NUBPL: variants seen among roughly 807,000 people sequenced by gnomAD.
NUBPL encodes the protein iron-sulfur cluster transfer protein NUBPL.
NUBPL carries 31 observed loss-of-function variants against 45.7 expected under a neutral mutation model. The ratio of observed to expected loss-of-function variants is 0.68; its 90% CI spans 0.51 to 0.92. The LOEUF is 0.92. Ranked by LOEUF, NUBPL falls within the 40% of genes least tolerant of loss-of-function variation. The pLI is 0.00. For synonymous variants in NUBPL, 144 were observed against 140.9 expected (o/e 1.02, Z -0.15); for missense variants, 401 against 398.7 (o/e 1.01, Z -0.05).
At chr14:31,721,927 G>A (rs955853809) in intron 6 of NUBPL, among the ~76,000 whole-genome samples, 15 of 152,252 alleles carry the variant, frequency 9.9e-5, no homozygotes, top group African/African-American at 2.6e-4. Flanking sequence ...CTCCATCCAC[G>A]TTCCTGCAAA....
intron 4 of NUBPL, among the ~76,000 whole-genome samples, chr14:31,637,838 C>T (rs537372991): frequency 5.7e-4 from 87 of 152,190 alleles, no homozygotes; most frequent in Admixed American, 2.7e-3. Context: ...TTTACCATTA[C>T]GTAATGGCCT....
At chr14:31,586,884 G>A (rs2034008725) in intron 3 of NUBPL, among the ~76,000 whole-genome samples, 1 of 152,130 alleles carries the variant, frequency 6.6e-6, no homozygotes, top group Admixed American at 6.5e-5. Context: ...AAATGGTGAT[G>A]CCATTTTCCA....
intron 4 of NUBPL, among the ~76,000 whole-genome samples, chr14:31,634,507 G>C (rs1192844292): frequency 6.6e-6 from 1 of 151,896 alleles, no homozygotes; most frequent in Admixed American, 6.6e-5. Flanking sequence ...ATTTGGGTTG[G>C]TTCCAAGTCT....
intron 8 of NUBPL, among the ~76,000 whole-genome samples, chr14:31,841,930 T>TTTG (rs2040380148): frequency 8.2e-6 from 1 of 122,254 alleles, no homozygotes; most frequent in Non-Finnish European, 1.7e-5. Context: ...TTTTTTTTTT[T>TTTG]TTTTTTTTTT....
At chr14:31,583,777 G>C (rs973365402) in intron 3 of NUBPL, among the ~76,000 whole-genome samples, 2 of 152,050 alleles carry the variant, frequency 1.3e-5, no homozygotes, top group Non-Finnish European at 2.9e-5. Flanking sequence ...GTGATATCTT[G>C]GACTGGAGTG....
intron 3 of NUBPL, among the ~76,000 whole-genome samples, chr14:31,593,509 G>C (rs1180507134): frequency 1.6e-5 from 1 of 64,080 alleles, no homozygotes; most frequent in Non-Finnish European, 3.3e-5. Context: ...GCGAGCTTCC[G>C]TCTCAAAAAA....
At chr14:31,825,803 T>TC (rs1566584714) in intron 7 of NUBPL, among the ~76,000 whole-genome samples, 114 of 148,396 alleles carry the variant, frequency 7.7e-4, no homozygotes, top group African/African-American at 2.8e-3. Context: ...CATTTCTTCT[T>TC]CTCCTCCTCC....
intron 6 of NUBPL, among the ~76,000 whole-genome samples, chr14:31,731,756 A>G (rs990695739): frequency 4.6e-5 from 7 of 152,216 alleles, no homozygotes; most frequent in African/African-American, 1.4e-4. Flanking sequence ...ACTTACATTT[A>G]GGAATAACAC....
At chr14:31,675,159 T>A (rs1252735988) in intron 6 of NUBPL, among the ~76,000 whole-genome samples, 1 of 151,002 alleles carries the variant, frequency 6.6e-6, no homozygotes. Context: ...AAAGTTACAG[T>A]TTATTTTGAG....
chr14:31,596,749 A>C (rs1566436155), intron 3 of NUBPL, among the ~76,000 whole-genome samples: 1 of 152,228 alleles, frequency 6.6e-6, no homozygotes, highest in African/African-American at 2.4e-5. Flanking sequence ...ACTTCATTTT[A>C]AGAAAGAATA....
chr14:31,689,288 G>C (rs1164982089), intron 6 of NUBPL, among the ~76,000 whole-genome samples: 1 of 152,036 alleles, frequency 6.6e-6, no homozygotes, highest in Non-Finnish European at 1.5e-5. Flanking sequence ...CATCAACAGT[G>C]TATATATAAG....
chr14:31,853,890 T>A (rs1595713087), intron 10 of NUBPL, among the ~76,000 whole-genome samples: 1 of 152,336 alleles, frequency 6.6e-6, no homozygotes, highest in Non-Finnish European at 1.5e-5. Context: ...TGATTAATAC[T>A]GTTGATGCAA....
At chr14:31,721,007 A>G (rs2037796336) in intron 6 of NUBPL, among the ~76,000 whole-genome samples, 1 of 152,234 alleles carries the variant, frequency 6.6e-6, no homozygotes, top group Non-Finnish European at 1.5e-5. Context: ...CTAGAATAGT[A>G]TGTGGCATGT....
intron 6 of NUBPL, among the ~76,000 whole-genome samples, chr14:31,705,220 A>G (rs1434537650): frequency 6.6e-6 from 1 of 152,244 alleles, no homozygotes; most frequent in East Asian, 1.9e-4. Context: ...CACTGCCTTC[A>G]GGAGTGAAGC....
chr14:31,653,309 G>A (rs548879864), intron 4 of NUBPL, among the ~76,000 whole-genome samples: 8 of 152,274 alleles, frequency 5.3e-5, no homozygotes, highest in African/African-American at 1.4e-4. Context: ...ACTCTAGTGA[G>A]CCTGAGAGTA....
chr14:31,614,398 C>G (rs1239244708), intron 4 of NUBPL, among the ~76,000 whole-genome samples: 3 of 152,062 alleles, frequency 2.0e-5, no homozygotes, highest in East Asian at 3.9e-4. Flanking sequence ...AGTAGCATAG[C>G]CTTTGGAGGA....
At chr14:31,790,888 C>G (rs1372765414) in intron 7 of NUBPL, among the ~76,000 whole-genome samples, 1 of 152,084 alleles carries the variant, frequency 6.6e-6, no homozygotes, top group Admixed American at 6.6e-5. Context: ...CTCAATGGAT[C>G]CTCCATTCTC....
At chr14:31,855,421 G>A (rs1473502861) in intron 10 of NUBPL, among the ~76,000 whole-genome samples, 2 of 152,158 alleles carry the variant, frequency 1.3e-5, no homozygotes, top group Non-Finnish European at 2.9e-5. Context: ...AGTGGAAAAA[G>A]CTGGACTTTA....
At chr14:31,596,341 A>G (rs564075461) in intron 3 of NUBPL, among the ~76,000 whole-genome samples, 1 of 152,342 alleles carries the variant, frequency 6.6e-6, no homozygotes, top group South Asian at 2.1e-4. Flanking sequence ...CTTTACTGAG[A>G]TAGCTCCTCT....
Sources: allele counts gnomAD v4.1 joint callset (sites outside exome capture counted in the v4.1 genomes callset), GRCh38; gene constraint gnomAD v4.1.1; transcripts MANE v1.5; gene names NCBI Gene and HGNC (gene_info 2026-07-23, HGNC 2026-07-21).